The following APOOL variants were observed in gnomAD, a reference collection of about 807,000 sequenced individuals.
The protein encoded by APOOL is apolipoprotein O like, also known as MICOS complex subunit MIC27.
APOOL carries 12 observed loss-of-function variants against 23.1 expected under a neutral mutation model. That is an observed-to-expected ratio of 0.52 (90% CI 0.33 to 0.84). The LOEUF (loss-of-function observed/expected upper bound fraction) is 0.84, where lower values mean the gene tolerates loss of function less well. Among genes scored for constraint, APOOL ranks in the 40% least tolerant of loss-of-function variants. APOOL has a pLI of 0.02. For synonymous variants in APOOL, 77 were observed against 69.9 expected (o/e 1.10, Z -0.51); for missense variants, 212 against 199.6 (o/e 1.06, Z -0.37).
At chrX:85,005,557 C>T (rs1921048816) in intron 1 of APOOL, among the ~76,000 whole-genome samples, 1 of 110,879 alleles carries the variant, frequency 9.0e-6, no homozygotes, top group Non-Finnish European at 1.9e-5. Flanking sequence ...AGACTACTTA[C>T]TTGTCTGTTC....
intron 1 of APOOL, among the ~76,000 whole-genome samples, chrX:85,020,143 T>C (rs958994590): frequency 8.0e-5 from 9 of 111,929 alleles, no homozygotes; most frequent in Non-Finnish European, 1.3e-4. Flanking sequence ...GTCAAAACCC[T>C]GACTCAGAGA....
intron 1 of APOOL, among the ~76,000 whole-genome samples, chrX:85,036,025 G>A (rs1922205481): frequency 1.8e-5 from 2 of 112,354 alleles, no homozygotes; most frequent in African/African-American, 6.5e-5. Flanking sequence ...AATGTCGTTG[G>A]TAGTTTGATA....
chrX:85,034,020 C>G (rs1335422574), intron 1 of APOOL, among the ~76,000 whole-genome samples: 2 of 111,446 alleles, frequency 1.8e-5, no homozygotes, highest in African/African-American at 6.5e-5. Flanking sequence ...CTTGGTTTTT[C>G]TCCCTTTGTG....
At chrX:85,008,427 T>A (rs1284733947) in intron 1 of APOOL, among the ~76,000 whole-genome samples, 1 of 111,635 alleles carries the variant, frequency 9.0e-6, no homozygotes, top group Non-Finnish European at 1.9e-5. Flanking sequence ...AGGCAGTTTG[T>A]CTTTCTCTGT....
intron 5 of APOOL, among the ~76,000 whole-genome samples, chrX:85,066,124 G>A (rs1205334841): frequency 9.0e-6 from 1 of 111,469 alleles, no homozygotes; most frequent in Non-Finnish European, 1.9e-5. Context: ...TACCAGATAG[G>A]CTGTTCCCTT....
rs1404200261 is a variant in APOOL, at chrX:85,088,444, A to G, written c.*766A>G. On this transcript the variant is annotated 3_prime_UTR_variant, in exon 9 of 9. Transcript: ENST00000373173. Reference sequence around the variant, plus strand: ...TAATGTTAATTCCTCTTAAATATCTAAAAACATCTCTACCTATTTGAGAGG... The same window carrying G: ...TAATGTTAATTCCTCTTAAATATCTGAAAACATCTCTACCTATTTGAGAGG... 2.0e-5 allele frequency: 2 copies of G among 102,429 alleles called. No homozygotes were observed. Among genetic ancestry groups the G allele is most frequent in the Non-Finnish European group, 3.9e-5 (2 of 50,819 alleles). 8.4% of individuals were successfully genotyped at this position (102,429 alleles called of 1,213,427 possible).
chrX:85,054,317 G>A (rs368771746), intron 3 of APOOL, 27 bp from the exon 4 acceptor site: 57 of 1,163,967 alleles, frequency 4.9e-5, no homozygotes, highest in Non-Finnish European at 6.1e-5. Flanking sequence ...AAATGCAGAT[G>A]TCTTCCCCCC....
rs1000651784 is a variant in APOOL, at chrX:85,091,688, A to G, written c.*4010A>G. ...CTAAGATAAGTACAACCAAAGAGCT[A>G]TGGATGTTCAGAGATAGAATGTAGT... On this transcript the variant is annotated 3_prime_UTR_variant, in exon 9 of 9. Transcript: ENST00000373173. 3 of 111,899 alleles carry G rather than the reference A, an allele frequency of 2.7e-5. No homozygotes were observed. The highest frequency in any genetic ancestry group is 9.7e-5 in the African/African-American group (3 of 30,832). The allele number at this position is 111,899 out of a possible 1,213,427, so 9.2% of individuals were successfully genotyped here.
intron 8 of APOOL, among the ~76,000 whole-genome samples, chrX:85,086,704 A>ATT (rs995127451): frequency 3.9e-5 from 4 of 102,949 alleles, no homozygotes; most frequent in East Asian, 3.0e-4. Context: ...GCCAAGAGTG[A>ATT]TTTTTTTTTT....
chrX:85,046,594 A>T (rs779087989), intron 2 of APOOL, 44 bp downstream of exon 2: 106 of 1,013,928 alleles, frequency 1.0e-4, no homozygotes, highest in Non-Finnish European at 1.4e-4. Context: ...TAATATCAAG[A>T]TGACACAAAA....
rs1235680747 is a variant in APOOL, at chrX:85,090,849, T to C, written c.*3171T>C. The C allele has an allele frequency of 8.9e-6, 1 of 112,029 alleles. No individual in the cohort carries two copies. Among genetic ancestry groups the C allele is most frequent in the African/African-American group, 3.2e-5 (1 of 30,793 alleles). The allele number at this position is 112,029 out of a possible 1,213,427, so 9.2% of individuals were successfully genotyped here. ...CTTTTAGAGATAGGTATTGCTATGTTGCCCAGGCTGGTCTCAAACTCATGG... is the reference window on the plus strand; with the variant it reads ...CTTTTAGAGATAGGTATTGCTATGTCGCCCAGGCTGGTCTCAAACTCATGG... On this transcript the variant is annotated 3_prime_UTR_variant, in exon 9 of 9. Transcript: ENST00000373173.
chrX:85,059,794 G>A (rs1923127544), intron 5 of APOOL, among the ~76,000 whole-genome samples: 1 of 111,226 alleles, frequency 9.0e-6, no homozygotes, highest in Admixed American at 9.6e-5. Context: ...TGTCAGATGA[G>A]TAGGTTACAA....
intron 2 of APOOL, among the ~76,000 whole-genome samples, chrX:85,050,776 G>A (rs1312999028): frequency 2.7e-5 from 3 of 109,958 alleles, no homozygotes; most frequent in Non-Finnish European, 3.8e-5. Flanking sequence ...ATGTACAACC[G>A]TATACCTAGC....
intron 6 of APOOL, among the ~76,000 whole-genome samples, chrX:85,071,088 T>A (rs956547072): frequency 7.1e-5 from 8 of 112,000 alleles, no homozygotes; most frequent in Admixed American, 1.9e-4. Context: ...TACTGTTTGA[T>A]CTCACTTATA....
rs1921845822 is a variant in APOOL, at chrX:85,026,402, C to T, written c.16-20044C>T. Among the ~76,000 whole-genome samples the T allele has an allele frequency of 2.7e-5, 3 of 113,205 alleles. No individual in the cohort carries two copies. In the South Asian group the frequency reaches 1.1e-3, roughly 41 times the overall value. On this transcript the variant is annotated intron_variant, in intron 1 of 8. Coordinates refer to ENST00000373173, the MANE Select transcript of APOOL (RefSeq NM_198450.6). ...ACCTTCAAGGCCTTTTCCCCATTGT[C>T]TTGGATATTAGCCCTTGGCTCCCTT...
At chrX:85,014,496 G>A (rs1221662715) in intron 1 of APOOL, among the ~76,000 whole-genome samples, 4 of 108,103 alleles carry the variant, frequency 3.7e-5, no homozygotes, top group South Asian at 4.0e-4. Flanking sequence ...AGCAGTTCTT[G>A]TAGTGCTGGC....
At chrX:85,070,263 C>T (rs779700144) in intron 6 of APOOL, among the ~76,000 whole-genome samples, 128 of 111,606 alleles carry the variant, frequency 1.1e-3, no homozygotes, top group Admixed American at 2.4e-3. Context: ...AAGAGCTTCT[C>T]CAAGGTATCT....
At chrX:85,081,769 T>G (rs774859964) in intron 8 of APOOL, among the ~76,000 whole-genome samples, 1 of 111,811 alleles carries the variant, frequency 8.9e-6, no homozygotes, top group Non-Finnish European at 1.9e-5. Context: ...CCCATATTTC[T>G]TGGAGGCTTT....
intron 1 of APOOL, among the ~76,000 whole-genome samples, chrX:85,006,324 C>T (rs981230876): frequency 1.7e-5 from 1 of 59,043 alleles, no homozygotes; most frequent in Non-Finnish European, 3.7e-5. Context: ...GGTAATATAT[C>T]CATTTTACAG....
Sources: gnomAD v4.1 joint callset for allele counts (sites outside exome capture counted in the v4.1 genomes callset) on GRCh38, gnomAD v4.1.1 for gene constraint, MANE v1.5 for transcripts, NCBI Gene and HGNC (gene_info 2026-07-23, HGNC 2026-07-21) for gene names.